MCM9: variants seen among roughly 807,000 people sequenced by gnomAD.
The protein encoded by MCM9 is minichromosome maintenance 9 homologous recombination repair factor.
MCM9 carries 55 observed loss-of-function variants against 72.8 expected under a neutral mutation model. The ratio of observed to expected loss-of-function variants is 0.76; its 90% CI spans 0.61 to 0.95. MCM9 has a LOEUF of 0.95. Among genes scored for constraint, MCM9 ranks in the 40% least tolerant of loss-of-function variants. The pLI is 0.00. For synonymous variants in MCM9, 480 were observed against 503.4 expected, an observed-to-expected ratio of 0.95 and a Z score of 0.62; for missense variants, 1,279 against 1,377.0, an observed-to-expected ratio of 0.93 and a Z score of 1.13.
chr6:118,866,530 T>C (rs1777228281), intron 8 of MCM9, among the ~76,000 whole-genome samples: 1 of 151,898 alleles, frequency 6.6e-6, no homozygotes, highest in Non-Finnish European at 1.5e-5. Context: ...ATCTGAAGAG[T>C]ACTATAACTT....
intron 8 of MCM9, chr6:118,894,103 G>T: frequency 3.5e-6 from 4 of 1,146,004 alleles, no homozygotes; most frequent in Non-Finnish European, 3.2e-6. Flanking sequence ...TTCCGGGAGC[G>T]GGAGCCCATC....
At chr6:118,836,737 T>C (rs1774984873) in intron 9 of MCM9, among the ~76,000 whole-genome samples, 2 of 152,206 alleles carry the variant, frequency 1.3e-5, no homozygotes, top group Non-Finnish European at 2.9e-5. Context: ...CTTCTCTCTT[T>C]TCTTCTTCAT....
chr6:118,934,420 AAAG>A (rs1338627173), intron 1 of MCM9: 1 of 152,180 alleles, frequency 6.6e-6, no homozygotes, highest in Non-Finnish European at 1.5e-5. Flanking sequence ...GAAGCGTCGA[AAAG>A]AAGACAGGAG....
chr6:118,838,305 G>A (rs1457826981), intron 9 of MCM9, among the ~76,000 whole-genome samples: 1 of 151,940 alleles, frequency 6.6e-6, no homozygotes, highest in Non-Finnish European at 1.5e-5. Flanking sequence ...TGGGACTACA[G>A]GCACCCGCCA....
intron 1 of MCM9, chr6:118,934,614 G>C (rs1782748630): frequency 1.3e-5 from 2 of 152,186 alleles, no homozygotes; most frequent in East Asian, 2.0e-4. Context: ...CGCGCCTCCG[G>C]GCCGCTCGGC....
chr6:118,833,894 T>C (rs1047344764), intron 9 of MCM9, among the ~76,000 whole-genome samples: 1 of 152,200 alleles, frequency 6.6e-6, no homozygotes, highest in Non-Finnish European at 1.5e-5. Context: ...ATTATTATTA[T>C]ACCTTAAGTT....
intron 8 of MCM9, among the ~76,000 whole-genome samples, chr6:118,886,792 G>A (rs1424184386): frequency 6.6e-6 from 1 of 151,812 alleles, no homozygotes; most frequent in African/African-American, 2.4e-5. Context: ...TAGTCTCTAT[G>A]AAAAATTTCA....
At chr6:118,892,654 A>G (rs1779024011) in intron 8 of MCM9, among the ~76,000 whole-genome samples, 1 of 152,224 alleles carries the variant, frequency 6.6e-6, no homozygotes, top group Non-Finnish European at 1.5e-5. Flanking sequence ...AAGAATGAAG[A>G]GTATGTTGTT....
At chr6:118,843,702 A>ATGTGTGTGTG (rs1283768565) in intron 9 of MCM9, among the ~76,000 whole-genome samples, 8 of 44,832 alleles carry the variant, frequency 1.8e-4, no homozygotes, top group African/African-American at 7.5e-4. Flanking sequence ...ATATATATAT[A>ATGTGTGTGTG]TGTATGTATA....
chr6:118,910,904 T>C (rs1780498267), intron 8 of MCM9: 4 of 985,304 alleles, frequency 4.1e-6, no homozygotes, highest in Non-Finnish European at 4.8e-6. Context: ...TGAGCATTCA[T>C]TAGCCCAATG....
chr6:118,815,158 C>A lies in MCM9; in HGVS notation c.3098G>T (p.Cys1033Phe), dbSNP rs1457736232. The A allele has an allele frequency of 6.4e-7, 1 of 1,550,414 alleles. No individual in the cohort carries two copies. The highest frequency in any genetic ancestry group is 8.7e-7 in the Non-Finnish European group (1 of 1,146,982). ...GNETGCAHLT[C>F]EGDKKEEVSG... ...AACCTCTTCCTTTTTGTCTCCCTCA[C>A]AAGTAAGATGAGCACACCCAGTCTC... The change falls in exon 14 of 14, where the codon TGT becomes TTT. Residue 1033 changes from cysteine (C) to phenylalanine (F), a missense_variant. Physicochemically the swap from Cys to Phe is radical, Grantham distance 205. Coordinates refer to ENST00000619706, the MANE Select transcript of MCM9 (RefSeq NM_017696.3).
chr6:118,917,529 A>C (rs776213634), intron 6 of MCM9, 32 bp downstream of exon 6: 1 of 1,589,918 alleles, frequency 6.3e-7, no homozygotes, highest in South Asian at 1.1e-5. Context: ...AATACCATTA[A>C]TAATAATCAG....
At chr6:118,836,527 G>A (rs2114592491) in intron 9 of MCM9, among the ~76,000 whole-genome samples, 1 of 152,314 alleles carries the variant, frequency 6.6e-6, no homozygotes, top group South Asian at 2.1e-4. Flanking sequence ...TTCAAAACTT[G>A]TTATTGGTCT....
At chr6:118,910,838 T>G in intron 8 of MCM9, 1 of 985,426 alleles carries the variant, frequency 1.0e-6, no homozygotes, top group Non-Finnish European at 1.2e-6. Flanking sequence ...GGACCATTAA[T>G]TGGCCATTTT....
chr6:118,898,557 T>C, intron 8 of MCM9, among the ~76,000 whole-genome samples: 1 of 151,972 alleles, frequency 6.6e-6, no homozygotes. Flanking sequence ...CCCGAGTAGC[T>C]GGGACCACAG....
intron 8 of MCM9, among the ~76,000 whole-genome samples, chr6:118,861,158 T>C (rs867107849): frequency 1.3e-5 from 2 of 152,166 alleles, no homozygotes; most frequent in Non-Finnish European, 2.9e-5. Context: ...ACCGGTTCCA[T>C]GTGAGGCTGC....
chr6:118,866,113 A>G (rs1400613760), intron 8 of MCM9, among the ~76,000 whole-genome samples: 1 of 152,228 alleles, frequency 6.6e-6, no homozygotes, highest in Non-Finnish European at 1.5e-5. Flanking sequence ...CTGGCAGAAC[A>G]TGGCACATCT....
Position 118,826,814 on chromosome 6 carries a change from T to C in MCM9, c.1783A>G (p.Thr595Ala). ...RDTVTLEDAI[T>A]VVSVMESSMQ... ...GAGGACTCCATGACTGACACCACCG[T>C]AATAGCGTCTTCCAGAGTTACAGTA... The change falls in exon 12 of 14, where the codon ACG (threonine) becomes GCG (alanine). Residue 595 changes from threonine (T) to alanine (A), a missense_variant. Transcript: ENST00000619706. The C allele has an allele frequency of 6.4e-7, 1 of 1,550,484 alleles. No individual in the cohort carries two copies. The highest frequency in any genetic ancestry group is 1.2e-5 in the South Asian group (1 of 84,050).
At position 118,931,588 on chromosome 6, in the gene MCM9, T is replaced by A. The variant is rs1161025470; in HGVS notation, c.136A>T (p.Thr46Ser). The change falls in exon 3 of 14, where the codon ACT (threonine) becomes TCT (serine). Residue 46 changes from threonine (T) to serine (S), a missense_variant. Coordinates refer to ENST00000619706, the MANE Select transcript of MCM9 (RefSeq NM_017696.3). ...ATTTCCATGTTGGTCTCAAACAGAG[T>A]CATGGCATTAACCACAACTGGGTAA... ...AHYPVVVNAM[T>S]LFETNMEIGE... The A allele has an allele frequency of 6.8e-6, 11 of 1,614,100 alleles. No homozygotes were observed. The highest frequency in any genetic ancestry group is 9.3e-6 in the Non-Finnish European group (11 of 1,180,010).
Sources: gnomAD v4.1 joint callset for allele counts (sites outside exome capture counted in the v4.1 genomes callset) on GRCh38, gnomAD v4.1.1 for gene constraint, MANE v1.5 for transcripts, NCBI Gene and HGNC (gene_info 2026-07-23, HGNC 2026-07-21) for gene names.